ZNF716: variants seen among roughly 807,000 people sequenced by gnomAD.
The protein encoded by ZNF716 is zinc finger protein 716.
Under a neutral mutation model 13.4 loss-of-function variants are expected in ZNF716, and 9 were observed. That is an observed-to-expected ratio of 0.67 (90% CI 0.41 to 1.18). ZNF716 has a LOEUF of 1.18. ZNF716 is among the 50% of genes most tolerant of loss of function. ZNF716 has a pLI of 0.01. For missense variants in ZNF716, 581 were observed against 576.6 expected, an observed-to-expected ratio of 1.01 and a Z score of -0.08; for synonymous variants, 186 against 195.2, an observed-to-expected ratio of 0.95 and a Z score of 0.39.
At chr7:57,456,154 C>T (rs1789586509) in intron 1 of ZNF716, among the ~76,000 whole-genome samples, 1 of 151,802 alleles carries the variant, frequency 6.6e-6, no homozygotes, top group Non-Finnish European at 1.5e-5. Flanking sequence ...TGGGGTTTCA[C>T]CATCTTGACC....
At chr7:57,461,133 C>G (rs1474537802) in intron 1 of ZNF716, among the ~76,000 whole-genome samples, 3 of 151,796 alleles carry the variant, frequency 2.0e-5, no homozygotes, top group Non-Finnish European at 4.4e-5. Flanking sequence ...CAAAAATTAG[C>G]CTGGCATGGT....
intron 2 of ZNF716, 78 bp from the exon 3 acceptor site, chr7:57,462,995 T>G: frequency 1.3e-6 from 2 of 1,545,922 alleles, no homozygotes; most frequent in South Asian, 2.4e-5. Flanking sequence ...TCATATCCTC[T>G]TTACTAAGCA....
Position 57,469,555 on chromosome 7 carries a change from C to T in ZNF716, c.1094C>T (p.Ser365Leu), listed in dbSNP as rs1489117392. Residue 365 changes from serine (S) to leucine (L), a missense_variant, in exon 4 of 4, where the codon TCA becomes TTA. Ser to Leu is a moderately radical substitution (Grantham distance 145). Coordinates refer to ENST00000420713, the MANE Select transcript of ZNF716 (RefSeq NM_001159279.1). ...EECGKAFTFS[S>L]TLNTHKRIHT... Reference sequence around the variant, plus strand: ...TGTGGGAAAGCCTTTACCTTCTCCTCAACTCTAAATACTCATAAGAGGATT... The same window carrying T: ...TGTGGGAAAGCCTTTACCTTCTCCTTAACTCTAAATACTCATAAGAGGATT... 12 of 1,611,694 alleles carry T rather than the reference C, an allele frequency of 7.4e-6. No homozygotes were observed. In the Admixed American group the frequency reaches 1.2e-4, roughly 16 times the overall value.
At chr7:57,460,560 T>C (rs556749366) in intron 1 of ZNF716, among the ~76,000 whole-genome samples, 1 of 152,264 alleles carries the variant, frequency 6.6e-6, no homozygotes, top group East Asian at 1.9e-4. Context: ...AAAATATTTT[T>C]TTTCTGTATA....
chr7:57,456,734 CA>C (rs112840455), intron 1 of ZNF716, among the ~76,000 whole-genome samples: 4,856 of 133,466 alleles, frequency 0.036, 275 homozygotes, highest in East Asian at 0.26. Flanking sequence ...GACTGCATTT[CA>C]AAAAAAAAAA....
chr7:57,451,215 A>G (rs1448288795), intron 1 of ZNF716, among the ~76,000 whole-genome samples: 1 of 151,806 alleles, frequency 6.6e-6, no homozygotes, highest in Non-Finnish European at 1.5e-5. Flanking sequence ...TGGTTTCACC[A>G]TGTTGGCCAG....
At chr7:57,457,054 G>A (rs1041735199) in intron 1 of ZNF716, among the ~76,000 whole-genome samples, 2 of 152,114 alleles carry the variant, frequency 1.3e-5, no homozygotes, top group East Asian at 1.9e-4. Flanking sequence ...CCCGGGACTA[G>A]GCACCACCTT....
At chr7:57,462,159 T>TAAA (rs35458423) in intron 1 of ZNF716, among the ~76,000 whole-genome samples, 1 of 143,154 alleles carries the variant, frequency 7.0e-6, no homozygotes. Flanking sequence ...AGCCTCGGTT[T>TAAA]AAAAAAAAAA....
chr7:57,460,950 C>G (rs1340339052), intron 1 of ZNF716, among the ~76,000 whole-genome samples: 1 of 146,484 alleles, frequency 6.8e-6, no homozygotes, highest in African/African-American at 2.5e-5. Context: ...GTATCTTCAA[C>G]TTTGCAGAAA....
chr7:57,456,363 C>T (rs182182547), intron 1 of ZNF716, among the ~76,000 whole-genome samples: 40 of 152,214 alleles, frequency 2.6e-4, no homozygotes, highest in African/African-American at 9.1e-4. Flanking sequence ...ATGGGAGTCT[C>T]CAGTTTACAG....
chr7:57,472,115 A>T lies in ZNF716; in HGVS notation c.*2166A>T, dbSNP rs1789953572. The T allele has an allele frequency of 6.6e-6, 1 of 152,176 alleles. No homozygotes were observed. Among genetic ancestry groups the T allele is most frequent in the Non-Finnish European group, 1.5e-5 (1 of 68,042 alleles). The allele number at this position is 152,176 out of a possible 1,614,324, so 9.4% of individuals were successfully genotyped here. On this transcript the variant is annotated 3_prime_UTR_variant, in exon 4 of 4. Transcript: ENST00000420713. ...CCATTATTCATGAACTTTCCTATGG[A>T]TGAGTAAGGACATTAAGTTGTAAGA... is the stretch of plus-strand genomic sequence containing the variant.
At chr7:57,464,786 T>C (rs1374186264) in intron 3 of ZNF716, among the ~76,000 whole-genome samples, 3 of 152,230 alleles carry the variant, frequency 2.0e-5, no homozygotes, top group Non-Finnish European at 2.9e-5. Flanking sequence ...AACTTCATTG[T>C]TTCAATGTAG....
At chr7:57,451,420 A>C in intron 1 of ZNF716, among the ~76,000 whole-genome samples, 1 of 146,680 alleles carries the variant, frequency 6.8e-6, no homozygotes, top group Admixed American at 6.9e-5. Flanking sequence ...TACACCCCAC[A>C]GGAAATTGGT....
intron 3 of ZNF716, among the ~76,000 whole-genome samples, chr7:57,466,876 T>A (rs1446787868): frequency 6.6e-6 from 1 of 152,092 alleles, no homozygotes; most frequent in African/African-American, 2.4e-5. Flanking sequence ...TTGCTGTATA[T>A]AAATATATAT....
At chr7:57,457,252 A>G (rs552791156) in intron 1 of ZNF716, among the ~76,000 whole-genome samples, 1 of 152,348 alleles carries the variant, frequency 6.6e-6, no homozygotes, top group South Asian at 2.1e-4. Context: ...ACACAGGACT[A>G]AATCAGAGTA....
chr7:57,463,148 A>G lies in ZNF716; in HGVS notation c.242A>G (p.Glu81Gly). ...NKEPQNIKRN[E>G]MVAKHPVTCS... Reference sequence around the variant, plus strand: ...GAGCCCCAGAATATAAAGAGAAATGAGATGGTAGCCAAACACCCAGGTAGG... The same window carrying G: ...GAGCCCCAGAATATAAAGAGAAATGGGATGGTAGCCAAACACCCAGGTAGG... Residue 81 changes from glutamate to glycine, a missense_variant, in exon 3 of 4, where the codon GAG becomes GGG. Glu to Gly is a moderately conservative substitution (Grantham distance 98). Transcript: ENST00000420713. 1 of 1,608,834 alleles carries G rather than the reference A, an allele frequency of 6.2e-7. No homozygotes were observed.
At chr7:57,466,246 A>T (rs1468683622) in intron 3 of ZNF716, among the ~76,000 whole-genome samples, 2 of 152,166 alleles carry the variant, frequency 1.3e-5, no homozygotes, top group African/African-American at 4.8e-5. Context: ...ATATATATAA[A>T]AAAGAATATT....
chr7:57,466,154 G>A (rs1554324071), intron 3 of ZNF716, among the ~76,000 whole-genome samples: 5 of 151,762 alleles, frequency 3.3e-5, no homozygotes. Flanking sequence ...CCTGCACATT[G>A]TGCACATGTA....
At chr7:57,462,436 TG>T in intron 1 of ZNF716, 23 bp from the exon 2 acceptor site, 1 of 1,609,314 alleles carries the variant, frequency 6.2e-7, no homozygotes, top group Non-Finnish European at 8.5e-7. Context: ...GTGTTTTTTT[TG>T]TTTGTTTATT....
Sources: gnomAD v4.1 joint callset for allele counts (sites outside exome capture counted in the v4.1 genomes callset) on GRCh38, gnomAD v4.1.1 for gene constraint, MANE v1.5 for transcripts, NCBI Gene and HGNC (gene_info 2026-07-23, HGNC 2026-07-21) for gene names.